The following NAAA variants were observed in gnomAD, a reference collection of about 807,000 sequenced individuals.
NAAA encodes N-acylethanolamine-hydrolyzing acid amidase.
In NAAA, 39 loss-of-function variants were observed where a neutral mutation model predicts 44.8. The ratio of observed to expected loss-of-function variants is 0.87; its 90% CI spans 0.67 to 1.14. NAAA has a LOEUF of 1.14. Ranked by LOEUF, NAAA falls within the 50% of genes most tolerant of loss-of-function variation. NAAA has a pLI of 0.00. For missense variants in NAAA, 460 were observed against 467.8 expected, an observed-to-expected ratio of 0.98 and a Z score of 0.15; for synonymous variants, 178 against 191.3, an observed-to-expected ratio of 0.93 and a Z score of 0.58.
chr4:75,939,476 C>T (rs1020444895), intron 2 of NAAA, among the ~76,000 whole-genome samples: 3 of 144,270 alleles, frequency 2.1e-5, no homozygotes, highest in East Asian at 4.2e-4. Context: ...TGTGCAGTGG[C>T]GCGATCGCGG....
chr4:75,925,755 C>G lies in NAAA; in HGVS notation c.646G>C (p.Val216Leu). ...IAALFRRHIP[V>L]SWLIRATLSE... ...CTCACAGCGCGGATCAGCCAGCTGA[C>G]GGGAATGTGTCTCCGAAACAGGGCA... Residue 216 changes from valine (V) to leucine (L), a missense_variant, in exon 5 of 11, where the codon GTC becomes CTC. Transcript: ENST00000286733. 1 of 1,614,128 alleles carries G rather than the reference C, an allele frequency of 6.2e-7. No homozygotes were observed.
At chr4:75,922,841 C>T (rs1401929865) in intron 5 of NAAA, among the ~76,000 whole-genome samples, 1 of 152,096 alleles carries the variant, frequency 6.6e-6, no homozygotes, top group Non-Finnish European at 1.5e-5. Flanking sequence ...CTATACCATC[C>T]CCCAACTACT....
chr4:75,939,760 A>C, intron 2 of NAAA: 1 of 512,222 alleles, frequency 2.0e-6, no homozygotes, highest in Non-Finnish European at 3.5e-6. Context: ...GGGGAAGAGA[A>C]AACCCGGGGC....
intron 4 of NAAA, among the ~76,000 whole-genome samples, chr4:75,930,879 C>G (rs559555899): frequency 6.6e-6 from 1 of 152,150 alleles, no homozygotes; most frequent in Non-Finnish European, 1.5e-5. Flanking sequence ...TTCATCCTTG[C>G]GGTAAGACCA....
At chr4:75,912,742 C>T (rs747456867), downstream of NAAA, among the ~76,000 whole-genome samples, 1 of 151,720 alleles carries the variant, frequency 6.6e-6, no homozygotes, top group Non-Finnish European at 1.5e-5. Context: ...CCACTGCACT[C>T]CAGTTTGGGT....
chr4:75,928,486 T>TGG (rs1726934068), intron 4 of NAAA, among the ~76,000 whole-genome samples: 1 of 152,086 alleles, frequency 6.6e-6, no homozygotes, highest in African/African-American at 2.4e-5. Context: ...GAGGTGCCAT[T>TGG]TTCTGAGACA....
chr4:75,940,297 G>A (rs1292587946), intron 1 of NAAA, 132 bp from the exon 2 acceptor site: 1 of 909,056 alleles, frequency 1.1e-6, no homozygotes, highest in East Asian at 3.2e-5. Context: ...TCAGTGGACC[G>A]CCCAGGCGCG....
intron 3 of NAAA, among the ~76,000 whole-genome samples, chr4:75,931,611 C>A (rs1727238543): frequency 6.6e-6 from 1 of 152,150 alleles, no homozygotes; most frequent in Non-Finnish European, 1.5e-5. Flanking sequence ...ACAAATCACA[C>A]AATCATAGTG....
intron 4 of NAAA, among the ~76,000 whole-genome samples, chr4:75,928,767 A>G (rs1726961883): frequency 2.0e-5 from 3 of 150,234 alleles, no homozygotes; most frequent in Non-Finnish European, 4.4e-5. Context: ...TCCTCATAGC[A>G]GCTATTATCA....
chr4:75,935,735 C>T (rs972022020), intron 3 of NAAA: 1 of 257,156 alleles, frequency 3.9e-6, no homozygotes. Context: ...CTGGGACTGT[C>T]AGATCCCAAA....
chr4:75,928,719 C>G (rs1726957304), intron 4 of NAAA, among the ~76,000 whole-genome samples: 1 of 152,180 alleles, frequency 6.6e-6, no homozygotes, highest in Non-Finnish European at 1.5e-5. Context: ...TGCTCTGTGC[C>G]AGGGACTGCT....
At position 75,913,699 on chromosome 4, in the gene NAAA, T is replaced by C. The variant is rs1001487053; in HGVS notation, c.*676A>G. ...TTTTATTCTCCTTGCCAACATTTCT[T>C]TTGACATTTTATTACTTAATTATGT... On this transcript the variant is annotated 3_prime_UTR_variant, in exon 11 of 11. Transcript: ENST00000286733. The C allele has an allele frequency of 1.0e-6, 1 of 982,974 alleles. No homozygotes were observed. The highest frequency in any genetic ancestry group is 1.2e-6 in the Non-Finnish European group (1 of 827,856). 60.9% of individuals were successfully genotyped at this position (982,974 alleles called of 1,614,324 possible). A position where few individuals can be genotyped will look rare whatever the true frequency, so the allele number is the denominator to read the frequency against.
chr4:75,931,361 C>A, intron 3 of NAAA, 57 bp from the exon 4 acceptor site: 2 of 1,318,868 alleles, frequency 1.5e-6, no homozygotes, highest in Non-Finnish European at 2.2e-6. Flanking sequence ...ACACTGAAAT[C>A]ACCTGTTCTG....
Position 75,936,115 on chromosome 4 carries a change from A to G in NAAA, c.492T>C (p.Asn164=). The change falls in exon 3 of 11, where the codon AAT becomes AAC. Residue 164 remains asparagine (N), a synonymous_variant. Coordinates refer to ENST00000286733, the MANE Select transcript of NAAA (RefSeq NM_014435.4). The part of the protein sequence containing the change: ...KLTVDVQFLK[N]GQIAFTGTTF... The stretch of plus-strand genomic sequence containing the variant: ...TATATGGTACGGATTATACCTGCCC[A>G]TTCTTTAAGAATTGCACATCCACTG... 6.2e-7 allele frequency: 1 copy of G among 1,614,064 alleles called. No individual in the cohort carries two copies. Among genetic ancestry groups the G allele is most frequent in the Non-Finnish European group, 8.5e-7 (1 of 1,179,996 alleles).
intron 1 of NAAA, 58 bp from the exon 2 acceptor site, chr4:75,940,223 G>T: frequency 1.3e-6 from 2 of 1,566,850 alleles, no homozygotes; most frequent in Non-Finnish European, 1.7e-6. Context: ...GCGTGCGACT[G>T]CGTGTGCACT....
chr4:75,939,692 G>T, intron 2 of NAAA: 1 of 315,818 alleles, frequency 3.2e-6, no homozygotes, highest in South Asian at 3.5e-5. Context: ...TGGGATTACA[G>T]GTGTGAGCCA....
In NAAA at chr4:75,936,180, T is replaced by C; in HGVS notation, c.427A>G (p.Asn143Asp). Residue 143 changes from asparagine to aspartate, a missense_variant, in exon 3 of 11, where the codon AAT becomes GAT. Asn to Asp is a conservative substitution (Grantham distance 23). Transcript: ENST00000286733. ...DSRGHIYHGR[N>D]LDYPFGNVLR... ...ACATTCCCAAAAGGATAATCCAAAT[T>C]CCGACCATGGTAAATGTGGCCTCTG... 6.2e-7 allele frequency: 1 copy of C among 1,614,004 alleles called. No individual in the cohort carries two copies. The highest frequency in any genetic ancestry group is 8.5e-7 in the Non-Finnish European group (1 of 1,179,980).
intron 5 of NAAA, among the ~76,000 whole-genome samples, chr4:75,925,159 G>A (rs113944125): frequency 1.3e-5 from 2 of 151,868 alleles, no homozygotes; most frequent in African/African-American, 2.4e-5. Context: ...CCTTAGCCTC[G>A]CGAGTAGCTG....
chr4:75,936,045 A>G (rs1727676457), intron 3 of NAAA, 64 bp downstream of exon 3: 1 of 1,599,712 alleles, frequency 6.3e-7, no homozygotes, highest in South Asian at 1.1e-5. Context: ...AGGCCATCCA[A>G]ATGACTGCTA....
Sources: allele counts gnomAD v4.1 joint callset (sites outside exome capture counted in the v4.1 genomes callset), GRCh38; gene constraint gnomAD v4.1.1; transcripts MANE v1.5; gene names NCBI Gene and HGNC (gene_info 2026-07-23, HGNC 2026-07-21).